The following CNTN4 variants were observed in gnomAD, a reference collection of about 807,000 sequenced individuals.
The protein encoded by CNTN4 is contactin 4.
Under a neutral mutation model 122.5 loss-of-function variants are expected in CNTN4, and 77 were observed. The observed-to-expected ratio is 0.63, with a 90% confidence interval of 0.52 to 0.76. The LOEUF (loss-of-function observed/expected upper bound fraction) is 0.76, where lower values mean the gene tolerates loss of function less well. Among genes scored for constraint, CNTN4 ranks in the 30% least tolerant of loss-of-function variants. The probability of loss-of-function intolerance (pLI) is 0.00; values close to 1 mark genes in which losing one functional copy is unlikely to be tolerated. For synonymous variants in CNTN4, 512 were observed against 447.0 expected (o/e 1.15, Z -1.83); for missense variants, 1,256 against 1,259.1 (o/e 1.00, Z 0.04).
chr3:2,897,196 C>A (rs1349122636), intron 10 of CNTN4, among the ~76,000 whole-genome samples: 3 of 151,944 alleles, frequency 2.0e-5, no homozygotes, highest in African/African-American at 7.3e-5. Flanking sequence ...AGTTATTGAA[C>A]AAAAGATTGA....
intron 13 of CNTN4, among the ~76,000 whole-genome samples, chr3:2,969,408 G>T (rs1442840246): frequency 1.3e-5 from 2 of 152,038 alleles, no homozygotes; most frequent in East Asian, 1.9e-4. Flanking sequence ...TCTATCTTTG[G>T]CCATGTCTGT....
At chr3:2,259,856 G>A (rs1421718425) in intron 2 of CNTN4, among the ~76,000 whole-genome samples, 1 of 152,076 alleles carries the variant, frequency 6.6e-6, no homozygotes. Flanking sequence ...TCGTATCTTT[G>A]CATTCTTTCC....
At chr3:2,942,972 C>A (rs752332940) in intron 13 of CNTN4, among the ~76,000 whole-genome samples, 5 of 152,118 alleles carry the variant, frequency 3.3e-5, no homozygotes, top group Non-Finnish European at 7.4e-5. Context: ...ATTTTCACAA[C>A]CATGATTGTA....
intron 4 of CNTN4, among the ~76,000 whole-genome samples, chr3:2,636,903 T>C (rs1412128986): frequency 1.3e-5 from 2 of 151,130 alleles, no homozygotes; most frequent in Admixed American, 6.6e-5. Flanking sequence ...CCATTTTCTT[T>C]TCCTCTTTCT....
intron 2 of CNTN4, among the ~76,000 whole-genome samples, chr3:2,230,822 T>TA (rs36082694): frequency 1.2e-4 from 18 of 151,754 alleles, no homozygotes; most frequent in African/African-American, 2.4e-4. Context: ...CCTGTCTTTA[T>TA]AAAAAAATAC....
chr3:2,153,259 A>C (rs1337367524), intron 2 of CNTN4, among the ~76,000 whole-genome samples: 3 of 152,208 alleles, frequency 2.0e-5, no homozygotes, highest in Non-Finnish European at 4.4e-5. Context: ...TGAATGTAGT[A>C]GAGAGGGTGA....
chr3:2,753,304 T>C (rs2090181922), intron 6 of CNTN4, among the ~76,000 whole-genome samples: 1 of 152,170 alleles, frequency 6.6e-6, no homozygotes, highest in African/African-American at 2.4e-5. Context: ...ACCTCCTTTG[T>C]TGTGAGGATC....
Position 2,193,567 on chromosome 3 carries a change from A to G in CNTN4, c.-145+92928A>G, listed in dbSNP as rs78578060. Among the ~76,000 whole-genome samples the G allele has an allele frequency of 5.8e-3, 881 of 152,308 alleles. 12 individuals carry two copies. The highest frequency in any genetic ancestry group is 0.02 in the African/African-American group (834 of 41,564). On this transcript the variant is annotated intron_variant, in intron 2 of 24. Coordinates refer to ENST00000418658, the MANE Select transcript of CNTN4 (RefSeq NM_175607.3). ...GAAGTGGAAGATGTACAGTGTTGTA[A>G]GGCATATTACTGGGTGAATTAACAA...
intron 4 of CNTN4, among the ~76,000 whole-genome samples, chr3:2,657,319 G>C (rs1309228342): frequency 6.6e-6 from 1 of 152,168 alleles, no homozygotes; most frequent in African/African-American, 2.4e-5. Flanking sequence ...AGAGAAATCT[G>C]TAACATGAGG....
At chr3:2,283,960 C>T (rs1047241198) in intron 2 of CNTN4, among the ~76,000 whole-genome samples, 3 of 152,064 alleles carry the variant, frequency 2.0e-5, no homozygotes, top group African/African-American at 7.2e-5. Flanking sequence ...GCCCCTTTGC[C>T]TGGCCTGAAA....
At chr3:2,317,463 A>G (rs910186032) in intron 2 of CNTN4, among the ~76,000 whole-genome samples, 6 of 152,210 alleles carry the variant, frequency 3.9e-5, no homozygotes, top group Non-Finnish European at 8.8e-5. Context: ...AGTGAGTTCT[A>G]AGCAAAATTG....
chr3:2,883,841 T>C (rs1198230160), intron 9 of CNTN4, among the ~76,000 whole-genome samples: 1 of 152,234 alleles, frequency 6.6e-6, no homozygotes, highest in African/African-American at 2.4e-5. Flanking sequence ...CTAAACTAGC[T>C]AACTTTTCCT....
intron 13 of CNTN4, among the ~76,000 whole-genome samples, chr3:2,930,969 A>C (rs1027748413): frequency 1.3e-4 from 20 of 152,220 alleles, no homozygotes; most frequent in African/African-American, 4.6e-4. Context: ...GCAGCGATAG[A>C]TTGTGGAGGC....
intron 7 of CNTN4, among the ~76,000 whole-genome samples, chr3:2,847,233 C>G (rs2093471152): frequency 6.6e-6 from 1 of 151,818 alleles, no homozygotes; most frequent in East Asian, 1.9e-4. Flanking sequence ...CACCCATCCC[C>G]TTAGAGGTCA....
chr3:2,107,022 C>T (rs1432745801), intron 2 of CNTN4, among the ~76,000 whole-genome samples: 2 of 152,194 alleles, frequency 1.3e-5, no homozygotes, highest in Admixed American at 1.3e-4. Flanking sequence ...TTGTCCAAAT[C>T]ATTATTAGCA....
intron 2 of CNTN4, among the ~76,000 whole-genome samples, chr3:2,145,245 C>T (rs1416457287): frequency 6.6e-6 from 1 of 152,116 alleles, no homozygotes; most frequent in Non-Finnish European, 1.5e-5. Flanking sequence ...TTGGTTCCCC[C>T]CCAGAAATAA....
At chr3:2,894,795 C>T (rs1012376593) in intron 10 of CNTN4, among the ~76,000 whole-genome samples, 1 of 151,934 alleles carries the variant, frequency 6.6e-6, no homozygotes, top group African/African-American at 2.4e-5. Flanking sequence ...TAAATCGGGC[C>T]CAACAGCCTT....
At chr3:2,371,059 A>G (rs1236156679) in intron 3 of CNTN4, among the ~76,000 whole-genome samples, 1 of 152,202 alleles carries the variant, frequency 6.6e-6, no homozygotes, top group Non-Finnish European at 1.5e-5. Flanking sequence ...TTGGGCTATA[A>G]TTTGAGATGG....
At chr3:2,481,664 T>C (rs554964863) in intron 3 of CNTN4, among the ~76,000 whole-genome samples, 39 of 152,266 alleles carry the variant, frequency 2.6e-4, no homozygotes, top group African/African-American at 8.7e-4. Flanking sequence ...CCAAATCTCA[T>C]CTTGAATTGT....
Sources: gnomAD v4.1 joint callset for allele counts (sites outside exome capture counted in the v4.1 genomes callset) on GRCh38, gnomAD v4.1.1 for gene constraint, MANE v1.5 for transcripts, NCBI Gene and HGNC (gene_info 2026-07-23, HGNC 2026-07-21) for gene names.